Variants in SLC44A5 observed in about 807,000 individuals in gnomAD.
SLC44A5 encodes choline transporter-like protein 5.
A neutral mutation model predicts 101.8 loss-of-function variants in SLC44A5; 57 were observed. The observed-to-expected ratio is 0.56, with a 90% CI of 0.45 to 0.70. SLC44A5 has a LOEUF of 0.70. Ranked by LOEUF, SLC44A5 falls within the 30% of genes least tolerant of loss-of-function variation. The pLI is 0.00. For missense variants in SLC44A5, 737 were observed against 853.1 expected (o/e 0.86, Z 1.70); for synonymous variants, 281 against 290.9 (o/e 0.97, Z 0.35).
the SLC44A5 span, among the ~76,000 whole-genome samples, chr1:75,674,375 G>GA: frequency 1.3e-5 from 2 of 149,566 alleles, no homozygotes; most frequent in African/African-American, 2.6e-5. Flanking sequence ...GGAGACAAAA[G>GA]AAAAAAGGAT....
intron 7 of SLC44A5, 32 bp from the exon 8 acceptor site, chr1:75,243,043 TG>T: frequency 1.3e-6 from 2 of 1,578,180 alleles, no homozygotes. Context: ...AGAACTGAAC[TG>T]AGTTGAACAA....
intron 22 of SLC44A5, 134 bp from the exon 23 acceptor site, chr1:75,211,686 C>T (rs755033804): frequency 3.2e-5 from 18 of 565,458 alleles, no homozygotes; most frequent in Non-Finnish European, 5.3e-5. Flanking sequence ...GTATAGAGAC[C>T]AAAAAGTTCA....
intron 6 of SLC44A5, 147 bp from the exon 7 acceptor site, chr1:75,251,441 C>A (rs576007912): frequency 5.0e-6 from 3 of 599,016 alleles, no homozygotes; most frequent in Non-Finnish European, 8.7e-6. Flanking sequence ...CCCTTAGGTA[C>A]CTAACCTTTA....
intron 3 of SLC44A5, among the ~76,000 whole-genome samples, chr1:75,345,151 A>C (rs1557684755): frequency 1.3e-5 from 2 of 150,734 alleles, no homozygotes; most frequent in Admixed American, 6.6e-5. Context: ...AAAGGAAGTT[A>C]ATAGACTCCT....
At chr1:75,325,780 A>G (rs1246778479) in intron 4 of SLC44A5, among the ~76,000 whole-genome samples, 1 of 142,854 alleles carries the variant, frequency 7.0e-6, no homozygotes, top group Non-Finnish European at 1.5e-5. Context: ...GTGTGTGTGT[A>G]GAGTATCCCT....
At chr1:75,408,797 T>G (rs1328765996) in intron 2 of SLC44A5, among the ~76,000 whole-genome samples, 1 of 152,122 alleles carries the variant, frequency 6.6e-6, no homozygotes, top group Non-Finnish European at 1.5e-5. Flanking sequence ...CCATGGCACA[T>G]GTATACCTAT....
the SLC44A5 span, among the ~76,000 whole-genome samples, chr1:75,663,663 C>T: frequency 6.6e-6 from 1 of 152,082 alleles, no homozygotes; most frequent in Non-Finnish European, 1.5e-5. Context: ...AACTTACCAG[C>T]CAAAAATAGT....
chr1:75,624,095 A>G, the SLC44A5 span, among the ~76,000 whole-genome samples: 2 of 152,172 alleles, frequency 1.3e-5, no homozygotes, highest in African/African-American at 2.4e-5. Context: ...TAATTAGATC[A>G]TGTTAAAAGG....
chr1:75,423,995 A>C (rs1034204691), intron 2 of SLC44A5, among the ~76,000 whole-genome samples: 9 of 152,216 alleles, frequency 5.9e-5, no homozygotes, highest in African/African-American at 1.7e-4. Flanking sequence ...ATTTGGCATT[A>C]GTATGTATCA....
At position 75,451,808 on chromosome 1, in the gene SLC44A5, A is replaced by T. The variant is rs1665925200; in HGVS notation, c.14-55187T>A. Among the ~76,000 whole-genome samples the T allele has an allele frequency of 3.9e-5, 6 of 152,214 alleles. No individual in the cohort carries two copies. In the South Asian group the frequency reaches 8.3e-4, roughly 21 times the overall value. On this transcript the variant is annotated intron_variant, in intron 2 of 23. Coordinates refer to ENST00000370859, the MANE Select transcript of SLC44A5 (RefSeq NM_001130058.2). ...AAATCAGTCAGACAAAATTTTTTTA[A>T]AAAAAATTTTAAAAAGTAAACAAAG...
intron 4 of SLC44A5, among the ~76,000 whole-genome samples, chr1:75,301,498 A>C (rs1654446515): frequency 6.6e-6 from 1 of 152,222 alleles, no homozygotes. Context: ...TTAGTAAAGA[A>C]AAAGATCAGC....
At chr1:75,659,819 C>T in the SLC44A5 span, among the ~76,000 whole-genome samples, 2 of 151,858 alleles carry the variant, frequency 1.3e-5, no homozygotes, top group South Asian at 4.2e-4. Context: ...TACAAAAATC[C>T]TCAACAAAAT....
At chr1:75,227,891 A>C in intron 12 of SLC44A5, 34 bp from the exon 13 acceptor site, 2 of 1,543,344 alleles carry the variant, frequency 1.3e-6, no homozygotes, top group Non-Finnish European at 1.7e-6. Context: ...ATAATATAAA[A>C]TATGATTTTC....
In SLC44A5 at chr1:75,482,629, C is replaced by T. The variant is rs547342762; in HGVS notation, c.13+58806G>A. On this transcript the variant is annotated intron_variant, in intron 2 of 23. Transcript: ENST00000370859. ...CCATCACTAAAATTCCTTCTTGCTC[C>T]GAAATATCAGGAACATGAGTCTAAT... Among the ~76,000 whole-genome samples the T allele has an allele frequency of 4.6e-4, 70 of 152,026 alleles. 1 individual carries two copies. Among genetic ancestry groups the T allele is most frequent in the African/African-American group, 1.4e-3 (57 of 41,460 alleles).
chr1:75,341,135 G>C (rs1010627811), intron 3 of SLC44A5, among the ~76,000 whole-genome samples: 2 of 152,192 alleles, frequency 1.3e-5, no homozygotes, highest in African/African-American at 4.8e-5. Context: ...ATGAACACTG[G>C]TGTGAGGATA....
At chr1:75,615,436 TACACACACACACACACACACACAC>T (rs56337760), upstream of SLC44A5, among the ~76,000 whole-genome samples, 2 of 133,510 alleles carry the variant, frequency 1.5e-5, no homozygotes, top group East Asian at 2.1e-4. Flanking sequence ...CACACATACA[TACACACACACACACACACACACAC>T]ACACACACAC....
chr1:75,652,787 C>G, the SLC44A5 span, among the ~76,000 whole-genome samples: 169 of 152,232 alleles, frequency 1.1e-3, no homozygotes, highest in Non-Finnish European at 1.9e-3. Flanking sequence ...CAGTGAGACC[C>G]TGTCTCTCAA....
At chr1:75,641,695 T>C in the SLC44A5 span, 2 of 1,541,852 alleles carry the variant, frequency 1.3e-6, no homozygotes, top group Non-Finnish European at 1.8e-6. Context: ...TCCAATCTTG[T>C]ATGAGATACT....
At chr1:75,471,510 T>G (rs1013458661) in intron 2 of SLC44A5, among the ~76,000 whole-genome samples, 30 of 152,088 alleles carry the variant, frequency 2.0e-4, no homozygotes, top group African/African-American at 7.0e-4. Context: ...TACCTGATCA[T>G]AGCCTTTTAT....
Sources: gnomAD v4.1 joint callset for allele counts (sites outside exome capture counted in the v4.1 genomes callset) on GRCh38, gnomAD v4.1.1 for gene constraint, MANE v1.5 for transcripts, NCBI Gene and HGNC (gene_info 2026-07-23, HGNC 2026-07-21) for gene names.